NLRP12: variants seen among roughly 807,000 people sequenced by gnomAD.
NLRP12 encodes the protein NLR family pyrin domain containing 12.
In NLRP12, 108 loss-of-function variants were observed where a neutral mutation model predicts 91.2. That is an observed-to-expected ratio of 1.18 (90% CI 1.01 to 1.39). The LOEUF is 1.39. Among genes scored for constraint, NLRP12 ranks in the 40% most tolerant of loss-of-function variants. NLRP12 has a pLI of 0.00. For synonymous variants in NLRP12, 613 were observed against 566.7 expected (o/e 1.08, Z -1.16); for missense variants, 1,530 against 1,352.7 (o/e 1.13, Z -2.06).
chr19:53,795,546 TTG>T (rs1243612809), intron 9 of NLRP12, among the ~76,000 whole-genome samples: 9 of 150,416 alleles, frequency 6.0e-5, no homozygotes, highest in Non-Finnish European at 1.2e-4. Context: ...GGCTAATTTT[TTG>T]TGTTTTTATT....
At chr19:53,823,498 A>ATATAT (rs2092298768) in intron 1 of NLRP12, among the ~76,000 whole-genome samples, 1 of 56,804 alleles carries the variant, frequency 1.8e-5, no homozygotes, top group African/African-American at 7.8e-5. Context: ...AAATATATTT[A>ATATAT]TTTAAAATAT....
intron 7 of NLRP12, among the ~76,000 whole-genome samples, chr19:53,800,645 C>T (rs529514626): frequency 1.3e-5 from 2 of 151,756 alleles, no homozygotes; most frequent in African/African-American, 2.4e-5. Flanking sequence ...TGCAATGGCT[C>T]CATCTCAGCT....
chr19:53,804,077 A>C lies in NLRP12; in HGVS notation c.2460T>G (p.Ala820=). 6.2e-7 allele frequency: 1 copy of C among 1,614,060 alleles called. No individual in the cohort carries two copies. The highest frequency in any genetic ancestry group is 8.5e-7 in the Non-Finnish European group (1 of 1,180,022). Residue 820 remains alanine (A), a synonymous_variant, in exon 6 of 10, where the codon GCT becomes GCG. Coordinates refer to ENST00000324134, the MANE Select transcript of NLRP12 (RefSeq NM_144687.4). ...QLESGACQEM[A]SVLGTNPHLV... Reference sequence around the variant, plus strand: ...GATGTGGGTTGGTGCCGAGCACAGAAGCCATCTCCTGACAAGCCCCGGACT... The same window carrying C: ...GATGTGGGTTGGTGCCGAGCACAGACGCCATCTCCTGACAAGCCCCGGACT...
At position 53,811,247 on chromosome 19, in the gene NLRP12, G is replaced by A. The variant is rs142971951; in HGVS notation, c.412C>T (p.Arg138Trp). ...TYRDYVRRKFRLMEDRNARLG... is the reference protein window; with the variant it reads ...TYRDYVRRKFWLMEDRNARLG... Reference sequence around the variant, plus strand: ...CGCGCATTGCGGTCTTCCATGAGCCGGAATTTCCTGCGGACATAGTCCCTG... The same window carrying A: ...CGCGCATTGCGGTCTTCCATGAGCCAGAATTTCCTGCGGACATAGTCCCTG... The change falls in exon 3 of 10, where the codon CGG becomes TGG. Residue 138 changes from arginine to tryptophan, a missense_variant. Arg to Trp is a moderately radical substitution (Grantham distance 101). Transcript: ENST00000324134. 5.3e-5 allele frequency: 85 copies of A among 1,614,032 alleles called. No homozygotes were observed. The African/African-American group carries it at 9.3e-4, about 18-fold the overall frequency.
rs3973673 is a variant in NLRP12 at position 53,809,224 on chromosome 19, TA to T, written c.2072+362del. Among the ~76,000 whole-genome samples the T allele has an allele frequency of 1.5e-3, 195 of 133,656 alleles. 2 individuals carry two copies. Among genetic ancestry groups the T allele is most frequent in the African/African-American group, 3.9e-3 (137 of 34,812 alleles). 87.7% of individuals were successfully genotyped at this position (133,656 alleles called of 152,430 possible). A position where few individuals can be genotyped will look rare whatever the true frequency, so the allele number is the denominator to read the frequency against. On this transcript the variant is annotated intron_variant, in intron 3 of 9. Coordinates refer to ENST00000324134, the MANE Select transcript of NLRP12 (RefSeq NM_144687.4). ...CTAGGAGACCAAGAGAGACTTAGTTTAAAAAAAAAAAAAAAAAAAAATCGTG... is the reference window on the plus strand; with the variant it reads ...CTAGGAGACCAAGAGAGACTTAGTTTAAAAAAAAAAAAAAAAAAAATCGTG...
chr19:53,807,069 G>T (rs181213039), intron 4 of NLRP12, among the ~76,000 whole-genome samples: 1 of 150,810 alleles, frequency 6.6e-6, no homozygotes, highest in East Asian at 2.0e-4. Context: ...CCAGTCTTTG[G>T]CACTTTTTTC....
At chr19:53,798,144 G>T in intron 8 of NLRP12, 99 bp downstream of exon 8, 1 of 1,284,848 alleles carries the variant, frequency 7.8e-7, no homozygotes, top group Non-Finnish European at 1.1e-6. Context: ...ATCTTTTGTA[G>T]TGAAGCAGGA....
At chr19:53,818,672 T>A (rs2092200126) in intron 1 of NLRP12, among the ~76,000 whole-genome samples, 1 of 151,552 alleles carries the variant, frequency 6.6e-6, no homozygotes, top group South Asian at 2.1e-4. Context: ...CTCAAAAAAA[T>A]AAATAAATAA....
chr19:53,818,806 A>T (rs547069297), intron 1 of NLRP12, among the ~76,000 whole-genome samples: 12 of 152,254 alleles, frequency 7.9e-5, no homozygotes, highest in Middle Eastern at 3.4e-3. Flanking sequence ...GTTGCCTAAG[A>T]CCTGCTGATT....
intron 4 of NLRP12, among the ~76,000 whole-genome samples, chr19:53,806,750 C>T (rs2091965723): frequency 6.8e-6 from 1 of 147,074 alleles, no homozygotes; most frequent in Middle Eastern, 3.4e-3. Context: ...CCCAGCTACT[C>T]GTGATGCTGG....
At chr19:53,817,784 G>A (rs2092184908) in intron 1 of NLRP12, among the ~76,000 whole-genome samples, 1 of 151,914 alleles carries the variant, frequency 6.6e-6, no homozygotes, top group Non-Finnish European at 1.5e-5. Flanking sequence ...GTGTATTTTA[G>A]CACTATTTAT....
intron 5 of NLRP12, 136 bp downstream of exon 5, chr19:53,805,144 C>T (rs2091937091): frequency 2.3e-6 from 2 of 883,688 alleles, no homozygotes; most frequent in Admixed American, 2.0e-5. Context: ...GAGTCCAGGG[C>T]CAGGGTCTTA....
At chr19:53,801,442 CTTTTTCTTTTTTTT>C (rs2091870968) in intron 6 of NLRP12, 45 bp from the exon 7 acceptor site, 3 of 1,301,336 alleles carry the variant, frequency 2.3e-6, no homozygotes, top group Admixed American at 2.6e-5. Flanking sequence ...GCTTTCCTTT[CTTTTTCTTTTTTTT>C]TTTTTTTTTT....
chr19:53,801,068 C>T (rs1359745460), intron 7 of NLRP12, among the ~76,000 whole-genome samples, 159 bp downstream of exon 7: 12 of 148,816 alleles, frequency 8.1e-5, no homozygotes, highest in Non-Finnish European at 1.6e-4. Context: ...TGGCGGGCGC[C>T]TGTAATCTCA....
chr19:53,818,641 G>A (rs1464751252), intron 1 of NLRP12, among the ~76,000 whole-genome samples: 9 of 151,920 alleles, frequency 5.9e-5, no homozygotes, highest in Non-Finnish European at 2.9e-5. Flanking sequence ...CTCCGGCCTG[G>A]GTGACAGAGT....
chr19:53,812,881 CT>C (rs35896834), intron 2 of NLRP12, among the ~76,000 whole-genome samples: 6,009 of 125,418 alleles, frequency 0.048, 298 homozygotes, highest in African/African-American at 0.17. Context: ...ATCAATATCT[CT>C]TTTTTTTTTT....
chr19:53,803,608 C>T (rs1028768767), intron 6 of NLRP12: 3 of 360,578 alleles, frequency 8.3e-6, no homozygotes, highest in East Asian at 1.4e-4. Context: ...GAGTCTCACT[C>T]TGTCACCGTG....
intron 8 of NLRP12, among the ~76,000 whole-genome samples, 194 bp downstream of exon 8, chr19:53,798,049 T>C (rs1242795472): frequency 3.3e-5 from 5 of 152,256 alleles, no homozygotes; most frequent in Admixed American, 2.6e-4. Flanking sequence ...GTTTTTAAAA[T>C]TTTAAGTCGG....
At chr19:53,794,910 A>G (rs1018579766) in intron 9 of NLRP12, among the ~76,000 whole-genome samples, 5 of 152,124 alleles carry the variant, frequency 3.3e-5, no homozygotes, top group Admixed American at 6.6e-5. Context: ...TATGTTGGCC[A>G]GGCTGGTCTT....
Sources: gnomAD v4.1 joint callset for allele counts (sites outside exome capture counted in the v4.1 genomes callset) on GRCh38, gnomAD v4.1.1 for gene constraint, MANE v1.5 for transcripts, NCBI Gene and HGNC (gene_info 2026-07-23, HGNC 2026-07-21) for gene names.